Variants in SMIM13 observed in about 807,000 individuals in gnomAD.
The protein encoded by SMIM13 is UPF0766 protein C6orf228.
In SMIM13, 3 loss-of-function variants were observed where a neutral mutation model predicts 5.9. The observed-to-expected ratio is 0.51, with a 90% CI of 0.23 to 1.31. The LOEUF is 1.31. SMIM13 is among the 40% of genes most tolerant of loss of function. The pLI, the probability that SMIM13 is intolerant of heterozygous loss-of-function variation, is 0.18. For missense variants in SMIM13, 85 were observed against 109.9 expected (o/e 0.77, Z 1.01); for synonymous variants, 55 against 46.0 (o/e 1.19, Z -0.79).
intron 1 of SMIM13, among the ~76,000 whole-genome samples, chr6:11,130,265 A>AC (rs1411218873): frequency 0.012 from 1,576 of 132,752 alleles, 19 homozygotes; most frequent in African/African-American, 0.03. Context: ...AAAAAAAAAA[A>AC]AAAACAACAA....
At chr6:11,099,151 C>G (rs1355737291) in intron 1 of SMIM13, among the ~76,000 whole-genome samples, 1 of 152,088 alleles carries the variant, frequency 6.6e-6, no homozygotes, top group Non-Finnish European at 1.5e-5. Flanking sequence ...ACTCTTATGT[C>G]TCTCCTGAGA....
chr6:11,104,837 G>T, intron 1 of SMIM13: 1 of 1,614,220 alleles, frequency 6.2e-7, no homozygotes, highest in Non-Finnish European at 8.5e-7. Context: ...TGTATGTTTG[G>T]TAAGTCTGTT....
intron 1 of SMIM13, among the ~76,000 whole-genome samples, chr6:11,117,098 C>T (rs147237656): frequency 2.9e-4 from 39 of 135,496 alleles, no homozygotes; most frequent in East Asian, 9.5e-4. Context: ...TCAACTGATT[C>T]TCCTGCCTCA....
intron 1 of SMIM13, among the ~76,000 whole-genome samples, chr6:11,113,586 A>T (rs979435461): frequency 6.6e-6 from 1 of 151,396 alleles, no homozygotes; most frequent in Non-Finnish European, 1.5e-5. Flanking sequence ...TTTTATTTTT[A>T]TTTTTTTGAG....
intron 1 of SMIM13, among the ~76,000 whole-genome samples, chr6:11,131,960 A>C (rs1758455467): frequency 6.6e-6 from 1 of 152,190 alleles, no homozygotes; most frequent in African/African-American, 2.4e-5. Context: ...GCTTCAAAGG[A>C]CTTTTTCAAG....
chr6:11,094,428 CGG>C, intron 1 of SMIM13, 39 bp downstream of exon 1: 1 of 1,476,744 alleles, frequency 6.8e-7, no homozygotes, highest in Non-Finnish European at 9.1e-7. Context: ...TTCCACACGC[CGG>C]GTCGCTGATC....
intron 1 of SMIM13, among the ~76,000 whole-genome samples, chr6:11,099,211 T>C (rs1757961802): frequency 6.6e-6 from 1 of 152,064 alleles, no homozygotes; most frequent in East Asian, 1.9e-4. Context: ...AGTCTAGCTC[T>C]GTCGCCAGGC....
At chr6:11,116,448 A>C (rs975639192) in intron 1 of SMIM13, among the ~76,000 whole-genome samples, 4 of 152,176 alleles carry the variant, frequency 2.6e-5, no homozygotes, top group African/African-American at 9.7e-5. Flanking sequence ...CATTTGACAT[A>C]ATTTCTTTGT....
In SMIM13 at chr6:11,104,228, G is replaced by A. The variant is rs781373012; in HGVS notation, c.76+9839G>A. ...CGGTTCCCGTACCAGCTAGAATGCC[G>A]AGTCCCGCGAGAAGGGGAATGAAAT... On this transcript the variant is annotated intron_variant, in intron 1 of 1. Transcript: ENST00000416247. 36 of 1,551,532 alleles carry A rather than the reference G, an allele frequency of 2.3e-5. No homozygotes were observed. In the South Asian group the frequency reaches 3.2e-4, roughly 14 times the overall value.
intron 1 of SMIM13, among the ~76,000 whole-genome samples, chr6:11,099,432 C>T (rs1167109259): frequency 1.3e-5 from 2 of 152,192 alleles, no homozygotes; most frequent in Non-Finnish European, 2.9e-5. Flanking sequence ...CTCAGCCTCC[C>T]AAAGTGCTGG....
chr6:11,098,535 G>A (rs1757952810), intron 1 of SMIM13, among the ~76,000 whole-genome samples: 1 of 152,198 alleles, frequency 6.6e-6, no homozygotes, highest in South Asian at 2.1e-4. Context: ...GGGTCTAAGT[G>A]ATTCTCCTGC....
rs1157226642 is a variant in SMIM13 at position 11,112,255 on chromosome 6, TTGC to T, written c.76+17868_76+17870del. On this transcript the variant is annotated intron_variant, in intron 1 of 1. Coordinates refer to ENST00000416247, the MANE Select transcript of SMIM13 (RefSeq NM_001135575.2). ...CCTAATGGCCTCCTGATAGAACTGC[TTGC>T]TTTTTTTTTTTTGGAGACAGCCTCG... is the stretch of plus-strand genomic sequence containing the variant. 4.6e-5 allele frequency among the ~76,000 whole-genome samples: 7 copies of T among 151,852 alleles called. No homozygotes were observed. In the South Asian group the frequency reaches 1.0e-3, roughly 23 times the overall value.
intron 1 of SMIM13, among the ~76,000 whole-genome samples, chr6:11,099,347 G>A (rs58797042): frequency 0.017 from 2,609 of 152,180 alleles, 65 homozygotes; most frequent in African/African-American, 0.06. Context: ...GCTGGTTTTT[G>A]TATTTTTAGT....
At chr6:11,123,547 A>T (rs1758338135) in intron 1 of SMIM13, among the ~76,000 whole-genome samples, 1 of 152,232 alleles carries the variant, frequency 6.6e-6, no homozygotes, top group Non-Finnish European at 1.5e-5. Context: ...AGCAGCAAGG[A>T]GTGTGGCATA....
chr6:11,114,920 C>T (rs902318152), intron 1 of SMIM13, among the ~76,000 whole-genome samples: 1 of 151,990 alleles, frequency 6.6e-6, no homozygotes, highest in African/African-American at 2.4e-5. Context: ...TCTTTTAAGT[C>T]TGTTAATATG....
In SMIM13 at chr6:11,129,001, C is replaced by T. The variant is rs114648375; in HGVS notation, c.77-5402C>T. Among the ~76,000 whole-genome samples the T allele has an allele frequency of 6.7e-3, 1,016 of 151,240 alleles. 7 individuals are homozygous for T. The highest frequency in any genetic ancestry group is 9.8e-3 in the Non-Finnish European group (664 of 67,850). ...TGATGTTAAAACCAGGTACTGTGAT[C>T]GTTCACCTGATTTTTGATTTTTATG... On this transcript the variant is annotated intron_variant, in intron 1 of 1. Coordinates refer to ENST00000416247, the MANE Select transcript of SMIM13 (RefSeq NM_001135575.2).
intron 1 of SMIM13, among the ~76,000 whole-genome samples, chr6:11,106,974 A>G (rs1758094014): frequency 6.6e-6 from 1 of 152,206 alleles, no homozygotes; most frequent in South Asian, 2.1e-4. Context: ...CCCCTAGTTT[A>G]GGGCTTTCGT....
In SMIM13 at chr6:11,129,078, C is replaced by CGG. The variant is rs138712581; in HGVS notation, c.77-5317_77-5316dup. 3.3e-3 allele frequency among the ~76,000 whole-genome samples: 491 copies of CGG among 149,002 alleles called. 3 individuals are homozygous for CGG. Among genetic ancestry groups the CGG allele is most frequent in the East Asian group, 0.022 (109 of 4,986 alleles). The stretch of plus-strand genomic sequence containing the variant: ...TTCAATTTGGCATTGCTACCGGGAG[C>CGG]GGGGGGGGGATGATCACTGGAGGCT... On this transcript the variant is annotated intron_variant, in intron 1 of 1. Transcript: ENST00000416247.
In SMIM13 at chr6:11,127,448, G is replaced by C. The variant is rs556212113; in HGVS notation, c.77-6955G>C. Among the ~76,000 whole-genome samples, 12 of 152,316 alleles carry C rather than the reference G, an allele frequency of 7.9e-5. No individual in the cohort carries two copies. The East Asian group carries it at 2.3e-3, about 29-fold the overall frequency. On this transcript the variant is annotated intron_variant, in intron 1 of 1. Transcript: ENST00000416247. Reference sequence around the variant, plus strand: ...CTTCCAGCCACCAGTGTTCACTCAAGGTTCAGTGTATTAGTCCACTTTCAT... The same window carrying C: ...CTTCCAGCCACCAGTGTTCACTCAACGTTCAGTGTATTAGTCCACTTTCAT...
Sources: gnomAD v4.1 joint callset for allele counts (sites outside exome capture counted in the v4.1 genomes callset) on GRCh38, gnomAD v4.1.1 for gene constraint, MANE v1.5 for transcripts, NCBI Gene and HGNC (gene_info 2026-07-23, HGNC 2026-07-21) for gene names.